EDC3: variants seen among roughly 807,000 people sequenced by gnomAD.
EDC3 encodes the protein enhancer of mRNA decapping 3.
In EDC3, 20 loss-of-function variants were observed where a neutral mutation model predicts 41.8. The ratio of observed to expected loss-of-function variants is 0.48; its 90% CI spans 0.34 to 0.70. EDC3 has a LOEUF of 0.70. Among genes scored for constraint, EDC3 ranks in the 30% least tolerant of loss-of-function variants. The probability of loss-of-function intolerance (pLI) is 0.01; values close to 1 mark genes in which losing one functional copy is unlikely to be tolerated. For synonymous variants in EDC3, 206 were observed against 243.2 expected, an observed-to-expected ratio of 0.85 and a Z score of 1.42; for missense variants, 444 against 636.8, an observed-to-expected ratio of 0.70 and a Z score of 3.26.
At chr15:74,682,672 A>C (rs1399275500) in intron 1 of EDC3, among the ~76,000 whole-genome samples, 1 of 151,504 alleles carries the variant, frequency 6.6e-6, no homozygotes, top group Non-Finnish European at 1.5e-5. Flanking sequence ...AATATGACCC[A>C]GCAGTTGCAC....
rs745913868 is a variant in EDC3, at chr15:74,645,714, C to CA, written c.821-5096dup. Among the ~76,000 whole-genome samples, 930 of 99,680 alleles carry CA rather than the reference C, an allele frequency of 9.3e-3. 6 individuals carry two copies. Among genetic ancestry groups the CA allele is most frequent in the Middle Eastern group, 0.032 (6 of 186 alleles). The allele number at this position is 99,680 out of a possible 152,430, so 65.4% of individuals were successfully genotyped here. A position where few individuals can be genotyped will look rare whatever the true frequency, so the allele number is the denominator to read the frequency against. ...TGAAACCCTATCTCTACTAAAAATA[C>CA]AAAAAAAAAAAAAAAATTAGCTGTG... is the stretch of plus-strand genomic sequence containing the variant. On this transcript the variant is annotated intron_variant, in intron 4 of 6. Coordinates refer to ENST00000315127, the MANE Select transcript of EDC3 (RefSeq NM_025083.5).
At position 74,674,976 on chromosome 15, in the gene EDC3, G is replaced by C; in HGVS notation, c.149C>G (p.Pro50Arg). 1 of 1,614,114 alleles carries C rather than the reference G, an allele frequency of 6.2e-7. No homozygotes were observed. The highest frequency in any genetic ancestry group is 8.5e-7 in the Non-Finnish European group (1 of 1,180,032). ...GGACACTCACCTGAAGGTGACTTCT[G>C]GAACAAGACACTTCACTCCATTATG... ...PFHNGVKCLV[P>R]EVTFRAGDIT... The change falls in exon 2 of 7, where the codon CCA becomes CGA. Residue 50 changes from proline to arginine, a missense_variant. By Grantham distance (103) the Pro-to-Arg change is moderately radical (BLOSUM62 -2). Transcript: ENST00000315127.
chr15:74,660,412 AAAATAT>A, intron 3 of EDC3, among the ~76,000 whole-genome samples: 1 of 21,878 alleles, frequency 4.6e-5, no homozygotes, highest in African/African-American at 1.1e-4. Context: ...TCCGTCTCCA[AAAATAT>A]ATATATATAT....
At chr15:74,656,978 C>A (rs1031870793) in intron 3 of EDC3, among the ~76,000 whole-genome samples, 1 of 152,322 alleles carries the variant, frequency 6.6e-6, no homozygotes, top group Admixed American at 6.5e-5. Flanking sequence ...ACTGACTGTC[C>A]CCTTTTCAGC....
At chr15:74,675,451 G>A (rs891157673) in intron 1 of EDC3, among the ~76,000 whole-genome samples, 2 of 151,168 alleles carry the variant, frequency 1.3e-5, no homozygotes, top group Non-Finnish European at 2.9e-5. Context: ...TAATAAATCT[G>A]CTGTCAAAAT....
At chr15:74,674,198 A>T (rs1278394483) in intron 2 of EDC3, among the ~76,000 whole-genome samples, 3 of 152,134 alleles carry the variant, frequency 2.0e-5, no homozygotes, top group African/African-American at 7.2e-5. Context: ...TCCAACTCCT[A>T]GGCTCAAGTG....
intron 1 of EDC3, chr15:74,677,009 A>G (rs1050547212): frequency 4.6e-5 from 7 of 152,014 alleles, no homozygotes; most frequent in Admixed American, 3.9e-4. Flanking sequence ...AGCAACAAAA[A>G]CCGTCATTCA....
intron 3 of EDC3, among the ~76,000 whole-genome samples, chr15:74,667,079 T>A (rs1038623230): frequency 3.3e-5 from 5 of 152,066 alleles, no homozygotes; most frequent in Admixed American, 2.6e-4. Context: ...CTGATACCAC[T>A]ATACATGTAT....
At chr15:74,645,916 C>A (rs923089341) in intron 4 of EDC3, among the ~76,000 whole-genome samples, 2 of 152,004 alleles carry the variant, frequency 1.3e-5, no homozygotes, top group African/African-American at 4.8e-5. Flanking sequence ...AAGTTAAGTG[C>A]TTCCAAATAT....
At chr15:74,682,391 G>A (rs2062880320) in intron 1 of EDC3, among the ~76,000 whole-genome samples, 1 of 151,900 alleles carries the variant, frequency 6.6e-6, no homozygotes, top group Admixed American at 6.6e-5. Context: ...GGCCAAGGCG[G>A]GTGGATCACA....
Position 74,632,380 on chromosome 15 carries a change from TGC to T in EDC3, c.*230_*231del. The T allele has an allele frequency of 1.7e-6, 1 of 580,222 alleles. No individual in the cohort carries two copies. Among genetic ancestry groups the T allele is most frequent in the Admixed American group, 3.0e-5 (1 of 32,946 alleles). 35.9% of individuals were successfully genotyped at this position (580,222 alleles called of 1,614,324 possible). A position where few individuals can be genotyped will look rare whatever the true frequency, so the allele number is the denominator to read the frequency against. On this transcript the variant is annotated 3_prime_UTR_variant, in exon 7 of 7. Coordinates refer to ENST00000315127, the MANE Select transcript of EDC3 (RefSeq NM_025083.5). The surrounding 1 kb of genome is among the most constrained non-coding windows in gnomAD (Gnocchi z 4.0). ...CCGTGCAGGGGGCTGAGGGTAGAGA[TGC>T]CTGGAGTTGCTGCACGCTCAGCCTG...
At chr15:74,644,404 ACTTCC>A (rs2062388958) in intron 4 of EDC3, 1 of 152,088 alleles carries the variant, frequency 6.6e-6, no homozygotes, top group Non-Finnish European at 1.5e-5. Flanking sequence ...CACGCTGCTT[ACTTCC>A]CTTCATTGCA....
chr15:74,641,536 G>T (rs1051031042), intron 4 of EDC3: 1 of 152,880 alleles, frequency 6.5e-6, no homozygotes, highest in African/African-American at 2.4e-5. Context: ...GACAACCAAG[G>T]TATTGCTCCC....
chr15:74,685,768 G>A (rs2141678328), intron 1 of EDC3, among the ~76,000 whole-genome samples: 1 of 152,238 alleles, frequency 6.6e-6, no homozygotes, highest in South Asian at 2.1e-4. Flanking sequence ...AAATACACAT[G>A]TTAAGCACAA....
At chr15:74,647,049 G>A (rs553833672) in intron 4 of EDC3, among the ~76,000 whole-genome samples, 18 of 141,406 alleles carry the variant, frequency 1.3e-4, no homozygotes, top group Non-Finnish European at 1.7e-4. Context: ...TCGTTCTGTC[G>A]CCCAGGCTGG....
chr15:74,636,567 G>A (rs1294642575), intron 5 of EDC3: 3 of 152,244 alleles, frequency 2.0e-5, no homozygotes, highest in South Asian at 2.1e-4. Flanking sequence ...GTTGGCTCAC[G>A]GGGCAGCAAT....
At chr15:74,656,114 C>T (rs2062545625) in intron 3 of EDC3, 46 bp from the exon 4 acceptor site, 2 of 1,528,556 alleles carry the variant, frequency 1.3e-6, no homozygotes, top group African/African-American at 2.8e-5. Context: ...ACAGAAAGCG[C>T]TCAGTGAACG....
intron 3 of EDC3, among the ~76,000 whole-genome samples, chr15:74,656,406 A>AACACACACACACACACACAC (rs143925363): frequency 1.4e-5 from 2 of 145,846 alleles, no homozygotes; most frequent in African/African-American, 5.1e-5. Flanking sequence ...TCTGTCTCAA[A>AACACACACACACACACACAC]ACACACACAC....
At chr15:74,655,611 C>A (rs1037631781) in intron 4 of EDC3, 122 bp downstream of exon 4, 1 of 997,320 alleles carries the variant, frequency 1.0e-6, no homozygotes, top group Non-Finnish European at 1.4e-6. Context: ...ACCGGGCCAG[C>A]CACCAAGCCA....
Sources: gnomAD v4.1 joint callset for allele counts (sites outside exome capture counted in the v4.1 genomes callset) on GRCh38, gnomAD v4.1.1 for gene constraint, Gnocchi (gnomAD v3.1) non-coding constraint, MANE v1.5 for transcripts, NCBI Gene and HGNC (gene_info 2026-07-23, HGNC 2026-07-21) for gene names.